Variants in LRBA observed in about 807,000 individuals in gnomAD.
LRBA encodes LPS responsive beige-like anchor protein, also known as lipopolysaccharide-responsive and beige-like anchor protein.
Under a neutral mutation model 330.0 loss-of-function variants are expected in LRBA, and 176 were observed. The ratio of observed to expected loss-of-function variants is 0.53; its 90% CI spans 0.47 to 0.60. The LOEUF (loss-of-function observed/expected upper bound fraction) is 0.60, where lower values mean the gene tolerates loss of function less well. LRBA is among the 20% of genes least tolerant of loss of function. LRBA has a pLI of 0.00. For missense variants in LRBA, 3,259 were observed against 3,444.8 expected (o/e 0.95, Z 1.35); for synonymous variants, 1,230 against 1,193.0 (o/e 1.03, Z -0.64).
Position 150,583,123 on chromosome 4 carries a change from C to A in LRBA, c.6330+4925G>T, listed in dbSNP as rs1350712084. Reference sequence around the variant, plus strand: ...CAAGGCGGCCATCGCCAAAACCATCCGAGAGGTCTGTAAGGTGGTCTCGGA... The same window carrying A: ...CAAGGCGGCCATCGCCAAAACCATCAGAGAGGTCTGTAAGGTGGTCTCGGA... On this transcript the variant is annotated intron_variant, in intron 40 of 56. Transcript: ENST00000651943. The surrounding 1 kb of genome is among the most constrained non-coding windows in gnomAD (Gnocchi z 9.8). The A allele has an allele frequency of 3.1e-6, 5 of 1,614,208 alleles. No homozygotes were observed. In the East Asian group the frequency reaches 6.7e-5, roughly 22 times the overall value.
At chr4:150,347,231 G>C (rs1241534396) in intron 48 of LRBA, among the ~76,000 whole-genome samples, 8 of 152,204 alleles carry the variant, frequency 5.3e-5, no homozygotes, top group Admixed American at 5.2e-4. Context: ...GGAATGAGGA[G>C]TTATTGTTTA....
Position 150,265,900 on chromosome 4 carries a change from AAATATAGAAGCTGGCAGTGAAGGCT to A in LRBA, c.8469-113_8469-89del. On this transcript the variant is annotated intron_variant, in intron 56 of 56. Transcript: ENST00000651943. ...ACTGCTCTCCCCAAATCCACAAGGT[AAATATAGAAGCTGGCAGTGAAGGCT>A]CCAATTTGTGGGAACTAAGGTATGT... is the stretch of plus-strand genomic sequence containing the variant. The A allele has an allele frequency of 5.0e-6, 4 of 801,930 alleles. No individual in the cohort carries two copies. The South Asian group carries it at 5.7e-5, about 11-fold the overall frequency. The allele number at this position is 801,930 out of a possible 1,614,324, so 49.7% of individuals were successfully genotyped here. A position where few individuals can be genotyped will look rare whatever the true frequency, so the allele number is the denominator to read the frequency against.
At chr4:150,525,277 CTT>C (rs141748744) in intron 40 of LRBA, among the ~76,000 whole-genome samples, 1 of 148,172 alleles carries the variant, frequency 6.7e-6, no homozygotes. Context: ...CATGCTCTGG[CTT>C]TTTTTTTTCT....
intron 36 of LRBA, among the ~76,000 whole-genome samples, chr4:150,710,637 CAA>C (rs1786094287): frequency 6.6e-6 from 1 of 151,914 alleles, no homozygotes; most frequent in South Asian, 2.1e-4. Flanking sequence ...AAACATGAGC[CAA>C]AGAGACGTAC....
chr4:150,619,490 CAGTA>C (rs1330767001), intron 37 of LRBA, among the ~76,000 whole-genome samples: 1 of 152,100 alleles, frequency 6.6e-6, no homozygotes, highest in Non-Finnish European at 1.5e-5. Context: ...CTTTTCCTAA[CAGTA>C]AGATGTTTTT....
chr4:150,856,629 T>G (rs1047725586), intron 22 of LRBA, among the ~76,000 whole-genome samples: 1 of 152,230 alleles, frequency 6.6e-6, no homozygotes, highest in Non-Finnish European at 1.5e-5. Flanking sequence ...GCCCTTAATT[T>G]AATTCATCCA....
At chr4:150,571,193 T>C (rs2152283779) in intron 40 of LRBA, among the ~76,000 whole-genome samples, 1 of 152,186 alleles carries the variant, frequency 6.6e-6, no homozygotes, top group South Asian at 2.1e-4. Flanking sequence ...TCTTTTTTTT[T>C]TCATTCCTGA....
At chr4:150,372,343 C>T (rs77850934) in intron 47 of LRBA, among the ~76,000 whole-genome samples, 3,422 of 151,878 alleles carry the variant, frequency 0.023, 131 homozygotes, top group African/African-American at 0.076. Flanking sequence ...GGCATGGTGA[C>T]GCATGCCTGT....
intron 28 of LRBA, among the ~76,000 whole-genome samples, chr4:150,834,917 C>T (rs1443500940): frequency 1.3e-5 from 2 of 152,106 alleles, no homozygotes; most frequent in Non-Finnish European, 2.9e-5. Context: ...AGGTTTTCTT[C>T]TAGGGTTTTT....
At chr4:150,534,516 G>T (rs1332031614) in intron 40 of LRBA, among the ~76,000 whole-genome samples, 1 of 151,790 alleles carries the variant, frequency 6.6e-6, no homozygotes. Context: ...TGAATTACCT[G>T]TCATAGTTAC....
Position 150,852,110 on chromosome 4 carries a change from A to C in LRBA, c.3600T>G (p.Ala1200=). 1 of 1,614,142 alleles carries C rather than the reference A, an allele frequency of 6.2e-7. No homozygotes were observed. The change falls in exon 23 of 57, where the codon GCT becomes GCG. Residue 1200 remains alanine (A), a synonymous_variant. Transcript: ENST00000651943. ...MSPETTVSQI[A]VESDLGQMLE... The stretch of plus-strand genomic sequence containing the variant: ...GCATCTGACCAAGGTCTGATTCTAC[A>C]GCTATTTGGGAAACAGTAGTTTCTG...
chr4:150,798,620 C>G (rs1217060687), intron 33 of LRBA, among the ~76,000 whole-genome samples: 1 of 152,182 alleles, frequency 6.6e-6, no homozygotes, highest in Admixed American at 6.5e-5. Flanking sequence ...ACCTTGACCT[C>G]TGACCTCACA....
At chr4:150,902,273 A>T (rs1730821444) in intron 13 of LRBA, among the ~76,000 whole-genome samples, 1 of 152,232 alleles carries the variant, frequency 6.6e-6, no homozygotes, top group Admixed American at 6.5e-5. Flanking sequence ...AGGAAATTTC[A>T]AGCTAGAAAA....
intron 36 of LRBA, among the ~76,000 whole-genome samples, chr4:150,720,410 A>T (rs531554770): frequency 6.6e-6 from 1 of 152,154 alleles, no homozygotes; most frequent in Non-Finnish European, 1.5e-5. Flanking sequence ...AAATAAAGTG[A>T]CTAAGGAAAG....
At chr4:150,627,233 A>C (rs1187181274) in intron 37 of LRBA, among the ~76,000 whole-genome samples, 2 of 152,108 alleles carry the variant, frequency 1.3e-5, no homozygotes, top group African/African-American at 2.4e-5. Flanking sequence ...ATAAGTATGC[A>C]AATAATAAAA....
intron 53 of LRBA, among the ~76,000 whole-genome samples, chr4:150,294,804 T>A (rs1011216351): frequency 6.6e-6 from 1 of 152,114 alleles, no homozygotes. Context: ...ACAAAAAAAT[T>A]ATCTGGGCGC....
At chr4:150,666,218 AAAC>A (rs1781542860) in intron 37 of LRBA, among the ~76,000 whole-genome samples, 1 of 152,204 alleles carries the variant, frequency 6.6e-6, no homozygotes, top group South Asian at 2.1e-4. Flanking sequence ...TCATATAAGA[AAAC>A]AATAAAAAAT....
intron 7 of LRBA, 53 bp downstream of exon 7, chr4:150,916,348 T>C (rs560567253): frequency 4.1e-5 from 64 of 1,563,990 alleles, no homozygotes; most frequent in Non-Finnish European, 5.2e-5. Context: ...ACAAAGCATT[T>C]TGATGACTAG....
chr4:150,583,799 T>C lies in LRBA; in HGVS notation c.6330+4249A>G, dbSNP rs1771725872. On this transcript the variant is annotated intron_variant, in intron 40 of 56. Coordinates refer to ENST00000651943, the MANE Select transcript of LRBA (RefSeq NM_001364905.1). The surrounding 1 kb of genome is among the most constrained non-coding windows in gnomAD (Gnocchi z 9.8). ...AAGTGCCTCTCAGTGCTGAAGACTC[T>C]GCGGGACCGCCACCTGGAGCTACCC... 6.2e-7 allele frequency: 1 copy of C among 1,614,030 alleles called. No individual in the cohort carries two copies. The highest frequency in any genetic ancestry group is 1.3e-5 in the African/African-American group (1 of 74,912).
Sources: gnomAD v4.1 joint callset for allele counts (sites outside exome capture counted in the v4.1 genomes callset) on GRCh38, gnomAD v4.1.1 for gene constraint, Gnocchi (gnomAD v3.1) non-coding constraint, MANE v1.5 for transcripts, NCBI Gene and HGNC (gene_info 2026-07-23, HGNC 2026-07-21) for gene names.